The following DCLK1 variants were observed in gnomAD, a reference collection of about 807,000 sequenced individuals.
DCLK1 encodes doublecortin like kinase 1, also known as serine/threonine-protein kinase DCLK1.
DCLK1 carries 16 observed loss-of-function variants against 86.2 expected under a neutral mutation model. That is an observed-to-expected ratio of 0.19 (90% CI 0.13 to 0.28). DCLK1 has a LOEUF of 0.28. Among genes scored for constraint, DCLK1 ranks in the 10% least tolerant of loss-of-function variants. The probability of loss-of-function intolerance (pLI) is 1.00; values close to 1 mark genes in which losing one functional copy is unlikely to be tolerated. For synonymous variants in DCLK1, 369 were observed against 370.5 expected (o/e 1.00, Z 0.05); for missense variants, 590 against 940.2 (o/e 0.63, Z 4.87).
intron 3 of DCLK1, among the ~76,000 whole-genome samples, chr13:36,074,835 C>T (rs1353514316): frequency 6.6e-6 from 1 of 152,202 alleles, no homozygotes; most frequent in African/African-American, 2.4e-5. Flanking sequence ...GCTCCTTATG[C>T]TTTGTGCAGC....
intron 5 of DCLK1, among the ~76,000 whole-genome samples, chr13:35,862,276 C>T (rs1871457855): frequency 6.6e-6 from 1 of 152,176 alleles, no homozygotes; most frequent in Non-Finnish European, 1.5e-5. Context: ...CTCCACATGT[C>T]TAAAACGAAA....
intron 3 of DCLK1, among the ~76,000 whole-genome samples, chr13:36,094,879 A>C (rs1884951122): frequency 6.6e-6 from 1 of 152,192 alleles, no homozygotes. Context: ...TGATGGGGAA[A>C]AGTTAAGATG....
intron 6 of DCLK1, among the ~76,000 whole-genome samples, chr13:35,851,222 T>C (rs1870607979): frequency 6.6e-6 from 1 of 152,226 alleles, no homozygotes; most frequent in Admixed American, 6.5e-5. Flanking sequence ...AATGTTGTAG[T>C]TGCATGTGGC....
intron 3 of DCLK1, among the ~76,000 whole-genome samples, chr13:36,046,394 G>A (rs1882916071): frequency 6.6e-6 from 1 of 152,186 alleles, no homozygotes. Context: ...AACAGACAAT[G>A]TCACATATAA....
chr13:35,793,882 A>T (rs951133150), intron 15 of DCLK1, among the ~76,000 whole-genome samples: 1 of 152,112 alleles, frequency 6.6e-6, no homozygotes, highest in Non-Finnish European at 1.5e-5. Flanking sequence ...CATCATTTAG[A>T]CCCAAAGCCA....
At chr13:35,960,669 T>C (rs1878403985) in intron 3 of DCLK1, among the ~76,000 whole-genome samples, 1 of 152,138 alleles carries the variant, frequency 6.6e-6, no homozygotes, top group Non-Finnish European at 1.5e-5. Context: ...TTGCCCAGGC[T>C]GGTCTTGAAC....
At chr13:35,894,342 G>C (rs756266660) in intron 4 of DCLK1, among the ~76,000 whole-genome samples, 7 of 152,128 alleles carry the variant, frequency 4.6e-5, no homozygotes, top group Admixed American at 3.9e-4. Context: ...ACAGCTACAC[G>C]GCATCTGCGC....
At chr13:35,869,480 T>C (rs148047545) in intron 5 of DCLK1, among the ~76,000 whole-genome samples, 244 of 152,304 alleles carry the variant, frequency 1.6e-3, no homozygotes, top group African/African-American at 5.2e-3. Flanking sequence ...TGCTCTTGGA[T>C]TGCAAGGACA....
intron 6 of DCLK1, among the ~76,000 whole-genome samples, chr13:35,844,686 G>T (rs895640079): frequency 6.6e-6 from 1 of 152,140 alleles, no homozygotes; most frequent in East Asian, 1.9e-4. Context: ...TAGTCTTCTA[G>T]GCACCTGCTA....
chr13:35,821,217 G>A (rs2087387327), intron 11 of DCLK1, among the ~76,000 whole-genome samples: 1 of 152,202 alleles, frequency 6.6e-6, no homozygotes, highest in African/African-American at 2.4e-5. Flanking sequence ...TGGTTGCTGT[G>A]AGGATGAAAC....
At chr13:35,983,482 C>G (rs533044765) in intron 3 of DCLK1, among the ~76,000 whole-genome samples, 177 of 152,236 alleles carry the variant, frequency 1.2e-3, no homozygotes, top group African/African-American at 4.2e-3. Context: ...TCAGTGGGGA[C>G]TCCTGGGCCT....
At chr13:35,874,875 C>A (rs1872508123) in intron 4 of DCLK1, among the ~76,000 whole-genome samples, 1 of 152,230 alleles carries the variant, frequency 6.6e-6, no homozygotes, top group Non-Finnish European at 1.5e-5. Context: ...TAGCTTTGGC[C>A]TCTGCCTAGC....
In DCLK1 at chr13:35,871,255, C is replaced by T. The variant is rs147110202; in HGVS notation, c.909G>A (p.Arg303=). 4.3e-4 allele frequency: 688 copies of T among 1,613,890 alleles called. 7 individuals are homozygous for T. The highest frequency in any genetic ancestry group is 3.3e-3 in the South Asian group (299 of 91,034). ...TGGTGGAGGCAGGGGACTTGCTACG[C>T]CTGGACGGTCCTGGGCTCTTGGTGG... ...RSTTKSPGPS[R]RSKSPASTSS... Residue 303 remains arginine, a synonymous_variant, in exon 5 of 17, where the codon AGG becomes AGA. Coordinates refer to ENST00000360631, the MANE Select transcript of DCLK1 (RefSeq NM_001330071.2).
chr13:35,831,146 T>A (rs1868927163), intron 8 of DCLK1, among the ~76,000 whole-genome samples: 1 of 152,160 alleles, frequency 6.6e-6, no homozygotes, highest in East Asian at 1.9e-4. Context: ...ATACAACCTT[T>A]CGTAATAGGA....
In DCLK1 at chr13:35,981,695, A is replaced by G. The variant is rs145260811; in HGVS notation, c.724-34238T>C. 1.9e-3 allele frequency among the ~76,000 whole-genome samples: 292 copies of G among 152,326 alleles called. 3 individuals carry two copies. Among genetic ancestry groups the G allele is most frequent in the African/African-American group, 6.4e-3 (268 of 41,566 alleles). The stretch of plus-strand genomic sequence containing the variant: ...ATTTTATTTATCCATTCTTCTGTTG[A>G]TGGACACTTGGGTTGCTCCCACCTT... On this transcript the variant is annotated intron_variant, in intron 3 of 16. Coordinates refer to ENST00000360631, the MANE Select transcript of DCLK1 (RefSeq NM_001330071.2).
rs1228998862 is a variant in DCLK1 at position 35,890,685 on chromosome 13, G to T, written c.824-19345C>A. On this transcript the variant is annotated intron_variant, in intron 4 of 16. Coordinates refer to ENST00000360631, the MANE Select transcript of DCLK1 (RefSeq NM_001330071.2). ...TGGCACTATTCTTTCTCATCAACTT[G>T]GTATGAGACTGAGCTTCTCCACGCT... Among the ~76,000 whole-genome samples the T allele has an allele frequency of 2.6e-5, 4 of 152,138 alleles. No homozygotes were observed. In the East Asian group the frequency reaches 7.7e-4, roughly 29 times the overall value.
intron 7 of DCLK1, among the ~76,000 whole-genome samples, chr13:35,836,596 G>C (rs1024450760): frequency 6.6e-6 from 1 of 152,108 alleles, no homozygotes; most frequent in African/African-American, 2.4e-5. Flanking sequence ...TGGACACTTA[G>C]TTTTACTACA....
At chr13:36,069,095 A>G (rs1177505016) in intron 3 of DCLK1, among the ~76,000 whole-genome samples, 1 of 152,204 alleles carries the variant, frequency 6.6e-6, no homozygotes, top group South Asian at 2.1e-4. Context: ...ACACTTAGCA[A>G]TAATTTCTAT....
At chr13:35,915,827 T>C (rs1228320489) in intron 4 of DCLK1, among the ~76,000 whole-genome samples, 1 of 152,200 alleles carries the variant, frequency 6.6e-6, no homozygotes, top group African/African-American at 2.4e-5. Context: ...GAGTTACTAC[T>C]TTACTTATGT....
Sources: allele counts gnomAD v4.1 joint callset (sites outside exome capture counted in the v4.1 genomes callset), GRCh38; gene constraint gnomAD v4.1.1; transcripts MANE v1.5; gene names NCBI Gene and HGNC (gene_info 2026-07-23, HGNC 2026-07-21).